Variants in PALLD observed in about 807,000 individuals in gnomAD.
PALLD encodes palladin.
PALLD carries 61 observed loss-of-function variants against 123.5 expected under a neutral mutation model. The observed-to-expected ratio is 0.49, with a 90% CI of 0.40 to 0.61. The LOEUF is 0.61. Ranked by LOEUF, PALLD falls within the 20% of genes least tolerant of loss-of-function variation. PALLD has a pLI of 0.00. For synonymous variants in PALLD, 465 were observed against 496.4 expected, an observed-to-expected ratio of 0.94 and a Z score of 0.84; for missense variants, 1,273 against 1,377.0, an observed-to-expected ratio of 0.92 and a Z score of 1.20.
rs1425245806 is a variant in PALLD at position 168,516,190 on chromosome 4, T to A, written c.908+3778T>A. ...AAAAGGACGTTATATACAATTGAGG[T>A]AGTATTCACATGATATGCAAATTAT... On this transcript the variant is annotated intron_variant, in intron 2 of 21. Transcript: ENST00000505667. Among the ~76,000 whole-genome samples, 8 of 152,314 alleles carry A rather than the reference T, an allele frequency of 5.3e-5. No individual in the cohort carries two copies. The East Asian group carries it at 1.3e-3, about 26-fold the overall frequency.
intron 2 of PALLD, among the ~76,000 whole-genome samples, chr4:168,623,654 C>T (rs531253673): frequency 2.6e-5 from 4 of 152,106 alleles, no homozygotes; most frequent in Admixed American, 6.6e-5. Flanking sequence ...TAAGTGTGAA[C>T]GCATAAGGAA....
intron 2 of PALLD, among the ~76,000 whole-genome samples, chr4:168,520,558 T>C (rs534758984): frequency 9.6e-4 from 147 of 152,342 alleles, no homozygotes; most frequent in African/African-American, 3.2e-3. Context: ...AAACTAGCTA[T>C]GCCTCTGCAG....
At chr4:168,545,544 C>A (rs1306672670) in intron 2 of PALLD, among the ~76,000 whole-genome samples, 3 of 150,818 alleles carry the variant, frequency 2.0e-5, no homozygotes, top group African/African-American at 7.3e-5. Context: ...AAAAAAAGAA[C>A]TCAGTTTCTT....
At chr4:168,702,639 T>C (rs17054489) in intron 8 of PALLD, among the ~76,000 whole-genome samples, 3,983 of 152,214 alleles carry the variant, frequency 0.026, 186 homozygotes, top group African/African-American at 0.091. Context: ...GCCAGGACCC[T>C]GAGAGAATCA....
At chr4:168,548,541 T>C (rs1766406110) in intron 2 of PALLD, among the ~76,000 whole-genome samples, 1 of 152,088 alleles carries the variant, frequency 6.6e-6, no homozygotes, top group African/African-American at 2.4e-5. Flanking sequence ...AAGAGGCTAA[T>C]AAAATACTGA....
intron 16 of PALLD, among the ~76,000 whole-genome samples, chr4:168,915,398 A>G (rs1015908508): frequency 2.6e-5 from 4 of 152,238 alleles, no homozygotes; most frequent in Admixed American, 2.6e-4. Context: ...CTCTAGGCAT[A>G]TGGATAACTA....
At chr4:168,734,099 G>A (rs1394341548) in intron 10 of PALLD, among the ~76,000 whole-genome samples, 3 of 152,022 alleles carry the variant, frequency 2.0e-5, no homozygotes, top group South Asian at 2.1e-4. Context: ...CTGAGATATC[G>A]GTTTGATACT....
intron 2 of PALLD, among the ~76,000 whole-genome samples, chr4:168,606,455 A>AC (rs1331730326): frequency 6.6e-6 from 1 of 151,964 alleles, no homozygotes; most frequent in Non-Finnish European, 1.5e-5. Flanking sequence ...AGGGTGGATC[A>AC]CGAGGTCAGG....
chr4:168,720,227 C>T (rs941182239), intron 10 of PALLD, among the ~76,000 whole-genome samples: 4 of 152,204 alleles, frequency 2.6e-5, no homozygotes, highest in African/African-American at 9.6e-5. Flanking sequence ...CAGCATCATA[C>T]AAATTTTGTA....
chr4:168,601,066 T>C (rs1304281306), intron 2 of PALLD, among the ~76,000 whole-genome samples: 2 of 151,658 alleles, frequency 1.3e-5, no homozygotes, highest in Non-Finnish European at 2.9e-5. Flanking sequence ...CTCAGTGTTT[T>C]TTCTTCTGCA....
At chr4:168,631,582 T>C (rs1205456777) in intron 2 of PALLD, 14 of 984,770 alleles carry the variant, frequency 1.4e-5, no homozygotes, top group East Asian at 2.3e-4. Context: ...TCCGACACAC[T>C]CCGCGCACAC....
intron 10 of PALLD, among the ~76,000 whole-genome samples, chr4:168,773,059 G>A (rs1455764563): frequency 1.3e-5 from 2 of 152,070 alleles, no homozygotes; most frequent in East Asian, 1.9e-4. Flanking sequence ...GTCTCTTTCC[G>A]CCTATGACAT....
At chr4:168,764,936 A>G (rs548239068) in intron 10 of PALLD, among the ~76,000 whole-genome samples, 2 of 152,230 alleles carry the variant, frequency 1.3e-5, no homozygotes, top group South Asian at 4.1e-4. Flanking sequence ...TTTGCATCGG[A>G]TAACTTTTTC....
intron 2 of PALLD, among the ~76,000 whole-genome samples, chr4:168,656,688 T>A (rs891106233): frequency 6.6e-5 from 10 of 152,166 alleles, no homozygotes; most frequent in African/African-American, 2.2e-4. Flanking sequence ...GCAATATATG[T>A]TTACCCTGCA....
intron 10 of PALLD, among the ~76,000 whole-genome samples, chr4:168,859,556 T>C (rs1352721147): frequency 1.3e-5 from 2 of 152,170 alleles, no homozygotes; most frequent in Non-Finnish European, 2.9e-5. Context: ...TTGTAAAAAA[T>C]TGGAGGACAA....
At chr4:168,519,899 T>A (rs1303584080) in intron 2 of PALLD, among the ~76,000 whole-genome samples, 1 of 77,496 alleles carries the variant, frequency 1.3e-5, no homozygotes, top group Non-Finnish European at 2.5e-5. Flanking sequence ...TAATTCATTT[T>A]AAATCTTTTT....
At chr4:168,732,536 A>G (rs1787279798) in intron 10 of PALLD, among the ~76,000 whole-genome samples, 1 of 152,182 alleles carries the variant, frequency 6.6e-6, no homozygotes, top group Non-Finnish European at 1.5e-5. Flanking sequence ...AAAATTCAGG[A>G]TTGATTGGAA....
intron 10 of PALLD, among the ~76,000 whole-genome samples, chr4:168,753,761 C>T (rs1356833298): frequency 2.0e-5 from 3 of 152,108 alleles, no homozygotes; most frequent in Admixed American, 6.5e-5. Context: ...GCCGTGTGAC[C>T]GAACCACCTT....
intron 2 of PALLD, 84 bp from the exon 3 acceptor site, chr4:168,668,106 C>T (rs1422530636): frequency 9.4e-7 from 1 of 1,059,108 alleles, no homozygotes; most frequent in African/African-American, 1.6e-5. Context: ...GCATAGCAAC[C>T]AGCCTTCACT....
Sources: gnomAD v4.1 joint callset for allele counts (sites outside exome capture counted in the v4.1 genomes callset) on GRCh38, gnomAD v4.1.1 for gene constraint, MANE v1.5 for transcripts, NCBI Gene and HGNC (gene_info 2026-07-23, HGNC 2026-07-21) for gene names.